NCKAP5: variants seen among roughly 807,000 people sequenced by gnomAD.
The protein encoded by NCKAP5 is NCK associated protein 5.
Under a neutral mutation model 167.0 loss-of-function variants are expected in NCKAP5, and 92 were observed. That is an observed-to-expected ratio of 0.55 (90% CI 0.47 to 0.66). NCKAP5 has a LOEUF of 0.66. Ranked by LOEUF, NCKAP5 falls within the 30% of genes least tolerant of loss-of-function variation. NCKAP5 has a pLI of 0.00. For missense variants in NCKAP5, 2,378 were observed against 2,315.0 expected, an observed-to-expected ratio of 1.03 and a Z score of -0.56; for synonymous variants, 891 against 877.4, an observed-to-expected ratio of 1.02 and a Z score of -0.27.
chr2:132,792,927 G>T (rs1258897587), intron 12 of NCKAP5, among the ~76,000 whole-genome samples: 1 of 152,204 alleles, frequency 6.6e-6, no homozygotes, highest in Non-Finnish European at 1.5e-5. Flanking sequence ...AGGAAAGTAG[G>T]ACTCAGAAGA....
intron 6 of NCKAP5, among the ~76,000 whole-genome samples, chr2:133,022,749 T>G (rs754664): frequency 0.51 from 77,751 of 152,038 alleles, 20,106 homozygotes; most frequent in Non-Finnish European, 0.54. Flanking sequence ...TTTCCTTCCT[T>G]TGATGCCCTA....
intron 3 of NCKAP5, among the ~76,000 whole-genome samples, chr2:133,414,029 A>G (rs1014190736): frequency 3.9e-5 from 6 of 152,210 alleles, no homozygotes; most frequent in African/African-American, 1.4e-4. Flanking sequence ...GGCCTTGCAC[A>G]TAATAGGTAT....
intron 8 of NCKAP5, among the ~76,000 whole-genome samples, chr2:132,894,291 A>G (rs561861317): frequency 6.6e-6 from 1 of 152,366 alleles, no homozygotes; most frequent in African/African-American, 2.4e-5. Context: ...ACCAGTACCT[A>G]GATGAGAAGG....
chr2:133,172,793 G>A (rs911298950), intron 5 of NCKAP5, among the ~76,000 whole-genome samples: 11 of 152,164 alleles, frequency 7.2e-5, no homozygotes, highest in South Asian at 4.2e-4. Flanking sequence ...GACTACAGGC[G>A]CCCACCAACA....
chr2:133,298,362 C>T (rs915727114), intron 4 of NCKAP5, among the ~76,000 whole-genome samples: 13 of 152,012 alleles, frequency 8.6e-5, no homozygotes, highest in Admixed American at 1.3e-4. Flanking sequence ...TTATTAGATC[C>T]TCTGACACTA....
chr2:133,334,405 C>T (rs552336478), intron 3 of NCKAP5, among the ~76,000 whole-genome samples: 53 of 152,192 alleles, frequency 3.5e-4, no homozygotes, highest in Non-Finnish European at 7.2e-4. Flanking sequence ...AGCTCGGGCA[C>T]TTTTATGTTC....
At chr2:133,153,072 A>G (rs1429309197) in intron 5 of NCKAP5, among the ~76,000 whole-genome samples, 1 of 152,224 alleles carries the variant, frequency 6.6e-6, no homozygotes, top group African/African-American at 2.4e-5. Flanking sequence ...AAGTTTTGGC[A>G]AAGTTAAAAC....
chr2:132,823,501 C>T (rs893517765), intron 11 of NCKAP5, among the ~76,000 whole-genome samples: 1 of 151,762 alleles, frequency 6.6e-6, no homozygotes, highest in African/African-American at 2.4e-5. Context: ...AAATAAATAC[C>T]GAGAGAATTC....
intron 4 of NCKAP5, among the ~76,000 whole-genome samples, chr2:133,270,731 AACTTC>A (rs1460474746): frequency 1.3e-5 from 2 of 152,016 alleles, no homozygotes; most frequent in African/African-American, 2.4e-5. Context: ...TAACCTTTGT[AACTTC>A]ACTTCAGCCT....
intron 8 of NCKAP5, among the ~76,000 whole-genome samples, chr2:132,916,940 T>G (rs72994818): frequency 0.1 from 15,232 of 152,216 alleles, 1,374 homozygotes; most frequent in Admixed American, 0.25. Context: ...GTCTTGATTC[T>G]CTAATGCAAA....
At chr2:132,808,442 G>A (rs1306108574) in intron 11 of NCKAP5, among the ~76,000 whole-genome samples, 1 of 152,096 alleles carries the variant, frequency 6.6e-6, no homozygotes, top group Non-Finnish European at 1.5e-5. Context: ...CTCACTGCTT[G>A]TTAATGGTCT....
At chr2:132,878,798 G>A in intron 9 of NCKAP5, 50 bp downstream of exon 9, 2 of 1,370,386 alleles carry the variant, frequency 1.5e-6, no homozygotes, top group South Asian at 2.3e-5. Flanking sequence ...CAGATTAAGG[G>A]AATCCCAACT....
intron 3 of NCKAP5, among the ~76,000 whole-genome samples, chr2:133,451,099 T>C (rs959162255): frequency 6.6e-6 from 1 of 152,030 alleles, no homozygotes; most frequent in African/African-American, 2.4e-5. Flanking sequence ...TGGATTAGAG[T>C]TGGTTCTAAT....
chr2:132,710,131 C>G (rs1223404804), intron 19 of NCKAP5, among the ~76,000 whole-genome samples: 1 of 151,940 alleles, frequency 6.6e-6, no homozygotes, highest in Non-Finnish European at 1.5e-5. Flanking sequence ...ATGATCATCC[C>G]AAAAGATGCA....
rs1465351246 is a variant in NCKAP5 at position 132,783,707 on chromosome 2, C to T, written c.3104G>A (p.Gly1035Glu). Residue 1035 changes from glycine to glutamate, a missense_variant, in exon 14 of 20, where the codon GGG (glycine) becomes GAG (glutamate). Transcript: ENST00000409261. ...PSSSFTVMAL[G>E]PPKVSPKRGV... is the part of the protein sequence containing the mutation. The stretch of plus-strand genomic sequence containing the variant: ...TCTCTTCGGAGAGACCTTTGGAGGC[C>T]CCAGAGCCATTACGGTGAAGGAGCT... The T allele has an allele frequency of 3.7e-6, 6 of 1,612,866 alleles. No homozygotes were observed. Among genetic ancestry groups the T allele is most frequent in the Middle Eastern group, 1.7e-4 (1 of 6,058 alleles).
chr2:132,819,380 G>A (rs976308989), intron 11 of NCKAP5, among the ~76,000 whole-genome samples: 1 of 152,182 alleles, frequency 6.6e-6, no homozygotes, highest in African/African-American at 2.4e-5. Context: ...TGACTGTTAT[G>A]TATTGTTGCA....
chr2:133,361,984 G>A (rs1473256635), intron 3 of NCKAP5, among the ~76,000 whole-genome samples: 1 of 151,272 alleles, frequency 6.6e-6, no homozygotes, highest in African/African-American at 2.4e-5. Context: ...TCAAGGAATT[G>A]AGAGAAGCAT....
intron 4 of NCKAP5, among the ~76,000 whole-genome samples, chr2:133,242,248 TC>T (rs1559307972): frequency 0.025 from 3,717 of 147,988 alleles, 148 homozygotes; most frequent in African/African-American, 0.09. Context: ...GTTTTTCTTT[TC>T]TTTTCTTTTC....
chr2:133,201,752 C>T (rs944140573), intron 5 of NCKAP5, among the ~76,000 whole-genome samples: 1 of 152,124 alleles, frequency 6.6e-6, no homozygotes, highest in Non-Finnish European at 1.5e-5. Flanking sequence ...TCATGGTGTC[C>T]TATGCTTCTC....
Sources: allele counts gnomAD v4.1 joint callset (sites outside exome capture counted in the v4.1 genomes callset), GRCh38; gene constraint gnomAD v4.1.1; transcripts MANE v1.5; gene names NCBI Gene and HGNC (gene_info 2026-07-23, HGNC 2026-07-21).